PARP10: variants seen among roughly 807,000 people sequenced by gnomAD.
PARP10 encodes the protein poly(ADP-ribose) polymerase family member 10.
PARP10 carries 56 observed loss-of-function variants against 82.4 expected under a neutral mutation model. That is an observed-to-expected ratio of 0.68 (90% CI 0.55 to 0.85). The LOEUF is 0.85. Among genes scored for constraint, PARP10 ranks in the 40% least tolerant of loss-of-function variants. The pLI is 0.00. For missense variants in PARP10, 1,227 were observed against 1,379.4 expected (o/e 0.89, Z 1.75); for synonymous variants, 576 against 601.1 (o/e 0.96, Z 0.61).
At chr8:144,010,273 A>C (rs1834265616) in intron 1 of PARP10, among the ~76,000 whole-genome samples, 1 of 152,226 alleles carries the variant, frequency 6.6e-6, no homozygotes, top group Non-Finnish European at 1.5e-5. Flanking sequence ...TAAAGTCGAT[A>C]AGGTGGGGAC....
chr8:143,998,725 G>A (rs782014398), intron 1 of PARP10, among the ~76,000 whole-genome samples: 2 of 152,114 alleles, frequency 1.3e-5, no homozygotes, highest in African/African-American at 4.8e-5. Context: ...AAAGGCAGGC[G>A]GATCACTTGA....
intron 9 of PARP10, 131 bp downstream of exon 9, chr8:143,982,801 C>CT (rs1434607608): frequency 7.0e-7 from 1 of 1,431,348 alleles, no homozygotes; most frequent in East Asian, 2.3e-5. Context: ...GAGAACAGGG[C>CT]TGGGAGCCTG....
chr8:143,983,209 C>A lies in PARP10; in HGVS notation c.2380G>T (p.Asp794Tyr). 2.5e-6 allele frequency: 4 copies of A among 1,613,796 alleles called. No homozygotes were observed. Among genetic ancestry groups the A allele is most frequent in the Non-Finnish European group, 3.4e-6 (4 of 1,179,990 alleles). ...GCCAAGGGAAAGGCCAAACTCTGAT[C>A]CCAGGGGCCAGCCAGAAGTGCCACC... is the stretch of plus-strand genomic sequence containing the variant. ...HLVALLAGPW[D>Y]QSLAFPLAAS... The change falls in exon 8 of 11, where the codon GAT becomes TAT. Residue 794 changes from aspartate to tyrosine, a missense_variant. By Grantham distance (160) the Asp-to-Tyr change is radical. Transcript: ENST00000313028.
chr8:143,988,369 C>G (rs1834036444), upstream of PARP10, among the ~76,000 whole-genome samples: 1 of 142,740 alleles, frequency 7.0e-6, no homozygotes, highest in Non-Finnish European at 1.5e-5. Context: ...AGACTGGTCT[C>G]AAACTCCTGA....
Position 143,980,319 on chromosome 8 carries a change from CAAAAAAAAAAAAAAA to C in PARP10, c.2557-2253_2557-2239del, listed in dbSNP as rs564801582. 7.6e-3 allele frequency among the ~76,000 whole-genome samples: 123 copies of C among 16,108 alleles called. 3 individuals are homozygous for C. In the East Asian group the frequency reaches 0.15, roughly 19 times the overall value. 10.6% of individuals were successfully genotyped at this position (16,108 alleles called of 152,430 possible). On this transcript the variant is annotated intron_variant, in intron 9 of 10. Transcript: ENST00000313028. ...TGGGCTACTGAGTGAGATTCCGTCT[CAAAAAAAAAAAAAAA>C]AAAAAAAAAAAAAAAAACCATCTCT...
upstream of PARP10, chr8:143,991,335 C>T (rs1329649472): frequency 8.7e-6 from 12 of 1,382,724 alleles, no homozygotes; most frequent in East Asian, 2.4e-5. Flanking sequence ...GCCTCCCTAC[C>T]CTGGGGCCCC....
chr8:144,010,690 T>C (rs1834271012), intron 1 of PARP10, among the ~76,000 whole-genome samples: 1 of 152,054 alleles, frequency 6.6e-6, no homozygotes, highest in Admixed American at 6.6e-5. Context: ...GCCTGGGCAA[T>C]GTGGTAAGAC....
In PARP10 at chr8:143,977,678, C is replaced by A; in HGVS notation, c.2884G>T (p.Ala962Ser). 1 of 1,593,394 alleles carries A rather than the reference C, an allele frequency of 6.3e-7. No homozygotes were observed. The highest frequency in any genetic ancestry group is 2.3e-5 in the East Asian group (1 of 43,514). The change falls in exon 11 of 11, where the codon GCG (alanine) becomes TCG (serine). Residue 962 changes from alanine to serine, a missense_variant. Ala to Ser is a moderately conservative substitution (Grantham distance 99). Transcript: ENST00000313028. ...TGGCCAGGACCCCGCAGAGGGGGCG[C>A]CCGCAGACCGCGGCGGCCCTGCCCG... ...DYGQGRRGLR[A>S]PPLRGPGHVL...
At chr8:143,997,801 CT>C (rs747991401) in intron 1 of PARP10, among the ~76,000 whole-genome samples, 1 of 149,134 alleles carries the variant, frequency 6.7e-6, no homozygotes. Flanking sequence ...TTTTTTTTTC[CT>C]TTTTTTTGAG....
rs781984690 is a variant in PARP10, at chr8:143,984,588, C to T, written c.1414G>A (p.Val472Ile). Reference sequence around the variant, plus strand: ...GGTCCTTCAAGTGGCAAGAGAGCGACGTCTCCCAGGCCCGCAAGAAGGTCC... The same window carrying T: ...GGTCCTTCAAGTGGCAAGAGAGCGATGTCTCCCAGGCCCGCAAGAAGGTCC... ...HEDLLAGLGD[V>I]ALLPLEGPDM... Residue 472 changes from valine (V) to isoleucine (I), a missense_variant, in exon 5 of 11, where the codon GTC (valine) becomes ATC (isoleucine). Val to Ile is a conservative substitution (Grantham distance 29, BLOSUM62 3). Transcript: ENST00000313028. The T allele has an allele frequency of 3.7e-5, 60 of 1,613,528 alleles. No individual in the cohort carries two copies. Among genetic ancestry groups the T allele is most frequent in the Non-Finnish European group, 4.6e-5 (54 of 1,179,778 alleles).
chr8:143,982,332 GGCGT>G (rs201994367), intron 9 of PARP10, among the ~76,000 whole-genome samples: 4,375 of 152,282 alleles, frequency 0.029, 84 homozygotes, highest in Non-Finnish European at 0.043. Flanking sequence ...AAATTAGCCG[GGCGT>G]GGTGGCAGGC....
upstream of PARP10, among the ~76,000 whole-genome samples, chr8:143,994,198 C>G (rs782399744): frequency 1.3e-4 from 20 of 152,256 alleles, no homozygotes; most frequent in Non-Finnish European, 2.8e-4. Context: ...AGTCAGTCCC[C>G]TTAGCACCTC....
intron 1 of PARP10, among the ~76,000 whole-genome samples, chr8:144,005,653 T>C (rs1834231595): frequency 6.6e-6 from 1 of 151,834 alleles, no homozygotes; most frequent in South Asian, 2.1e-4. Context: ...CCACAGTGGC[T>C]GATTCCCCTC....
chr8:143,988,508 C>A (rs1026178312), upstream of PARP10, among the ~76,000 whole-genome samples: 4 of 151,386 alleles, frequency 2.6e-5, no homozygotes, highest in African/African-American at 9.7e-5. Flanking sequence ...CTCTGTTACG[C>A]AGGCTGGAGT....
chr8:143,991,586 A>T, upstream of PARP10: 1 of 1,588,928 alleles, frequency 6.3e-7, no homozygotes, highest in South Asian at 1.1e-5. Context: ...AGGTCTTCCC[A>T]GGACAAGACC....
intron 1 of PARP10, among the ~76,000 whole-genome samples, chr8:143,997,085 G>A (rs1208274049): frequency 6.6e-6 from 1 of 152,206 alleles, no homozygotes; most frequent in Non-Finnish European, 1.5e-5. Context: ...TTCCCAGGCA[G>A]CAGGATGGCT....
chr8:143,992,599 C>A, upstream of PARP10: 1 of 1,614,150 alleles, frequency 6.2e-7, no homozygotes, highest in Non-Finnish European at 8.5e-7. Flanking sequence ...GCGCTCTGCT[C>A]TTCACCTGCG....
upstream of PARP10, chr8:143,992,362 T>C: frequency 2.5e-6 from 4 of 1,600,340 alleles, no homozygotes; most frequent in Non-Finnish European, 3.4e-6. Flanking sequence ...CGTCGTCATC[T>C]TCTCCATGCA....
rs1554748637 is a variant in PARP10, at chr8:143,984,408, G to A, written c.1482C>T (p.Cys494=). ...GFRLCGAQAS[C]QAAEEFLRSL... Reference sequence around the variant, plus strand: ...TCCGCAGAAACTCCTCAGCCGCCTGGCAGGAAGCCTGGGCTCCACAGAGCT... The same window carrying A: ...TCCGCAGAAACTCCTCAGCCGCCTGACAGGAAGCCTGGGCTCCACAGAGCT... Residue 494 remains cysteine, a synonymous_variant, in exon 6 of 11, where the codon TGC becomes TGT. Coordinates refer to ENST00000313028, the MANE Select transcript of PARP10 (RefSeq NM_032789.5). 6.2e-7 allele frequency: 1 copy of A among 1,610,660 alleles called. No individual in the cohort carries two copies. Among genetic ancestry groups the A allele is most frequent in the Non-Finnish European group, 8.5e-7 (1 of 1,179,126 alleles).
Sources: allele counts gnomAD v4.1 joint callset (sites outside exome capture counted in the v4.1 genomes callset), GRCh38; gene constraint gnomAD v4.1.1; transcripts MANE v1.5; gene names NCBI Gene and HGNC (gene_info 2026-07-23, HGNC 2026-07-21).